The following TGS1 variants were observed in gnomAD, a reference collection of about 807,000 sequenced individuals.
TGS1 encodes the protein trimethylguanosine synthase 1, also known as trimethylguanosine synthase.
A neutral mutation model predicts 92.2 loss-of-function variants in TGS1; 69 were observed. The ratio of observed to expected loss-of-function variants is 0.75; its 90% confidence interval spans 0.62 to 0.91. The LOEUF (loss-of-function observed/expected upper bound fraction) is 0.91. Ranked by LOEUF, TGS1 falls within the 40% of genes least tolerant of loss-of-function variation. TGS1 has a pLI of 0.00. For synonymous variants in TGS1, 345 were observed against 338.1 expected, an observed-to-expected ratio of 1.02 and a Z score of -0.22; for missense variants, 1,062 against 1,001.2, an observed-to-expected ratio of 1.06 and a Z score of -0.82.
intron 7 of TGS1, among the ~76,000 whole-genome samples, chr8:55,797,526 A>G (rs1364483605): frequency 1.3e-5 from 2 of 152,238 alleles, no homozygotes; most frequent in Non-Finnish European, 2.9e-5. Flanking sequence ...GATCAGTCAC[A>G]GTTTACACCT....
At chr8:55,802,430 ATC>A in intron 8 of TGS1, 25 bp from the exon 9 acceptor site, 1 of 1,589,504 alleles carries the variant, frequency 6.3e-7, no homozygotes, top group Admixed American at 1.8e-5. Context: ...CTTAGTGAGC[ATC>A]TATATTCTTT....
At chr8:55,787,752 A>G (rs1161819876) in intron 4 of TGS1, among the ~76,000 whole-genome samples, 1 of 152,236 alleles carries the variant, frequency 6.6e-6, no homozygotes, top group African/African-American at 2.4e-5. Context: ...TTTAAAGAAA[A>G]GAGGTTTATT....
At chr8:55,791,381 C>G (rs574074631) in intron 5 of TGS1, among the ~76,000 whole-genome samples, 2 of 152,356 alleles carry the variant, frequency 1.3e-5, no homozygotes, top group African/African-American at 2.4e-5. Flanking sequence ...GAACATGTGC[C>G]TGACACAGTC....
intron 10 of TGS1, among the ~76,000 whole-genome samples, chr8:55,808,271 A>G (rs1037862287): frequency 3.3e-5 from 5 of 152,180 alleles, no homozygotes; most frequent in African/African-American, 1.2e-4. Context: ...ACTATTTACT[A>G]TCAAAGTTCT....
chr8:55,786,156 T>A, intron 3 of TGS1, 82 bp from the exon 4 acceptor site: 1 of 860,666 alleles, frequency 1.2e-6, no homozygotes, highest in Non-Finnish European at 1.7e-6. Flanking sequence ...TTGTTTAATT[T>A]AATGTCAAAA....
rs113731823 is a variant in TGS1, at chr8:55,806,924, A to AT, written c.2143+1899dup. ...TAACCTTTATTTATTTATTTATTTA[A>AT]TTTTTTTTTTTCTTTTTTTTTGAGA... is the stretch of plus-strand genomic sequence containing the variant. On this transcript the variant is annotated intron_variant, in intron 10 of 12. Coordinates refer to ENST00000260129, the MANE Select transcript of TGS1 (RefSeq NM_024831.8). Among the ~76,000 whole-genome samples, 213 of 146,402 alleles carry AT rather than the reference A, an allele frequency of 1.5e-3. 1 individual carries two copies. The highest frequency in any genetic ancestry group is 3.6e-3 in the African/African-American group (144 of 40,032).
chr8:55,816,572 A>G (rs1006599315), intron 12 of TGS1, among the ~76,000 whole-genome samples: 23 of 152,188 alleles, frequency 1.5e-4, no homozygotes, highest in African/African-American at 5.3e-4. Flanking sequence ...TATCTTTGTC[A>G]TGGTATGTAT....
At position 55,785,852 on chromosome 8, in the gene TGS1, A is replaced by G. The variant is rs1398385522; in HGVS notation, c.300A>G (p.Pro100=). ...AACTCATGAGAAGTATGGGATTGCC[A>G]CTTCAATTTGGTAGGATAACTGCAC... ...EAELMRSMGL[P]LQFGRITAHK... The change falls in exon 3 of 13, where the codon CCA becomes CCG. Residue 100 remains proline (P), a synonymous_variant. Coordinates refer to ENST00000260129, the MANE Select transcript of TGS1 (RefSeq NM_024831.8). 6.2e-7 allele frequency: 1 copy of G among 1,613,334 alleles called. No homozygotes were observed. Among genetic ancestry groups the G allele is most frequent in the South Asian group, 1.1e-5 (1 of 90,864 alleles).
chr8:55,817,926 G>C (rs1365956719), intron 12 of TGS1, among the ~76,000 whole-genome samples: 1 of 152,066 alleles, frequency 6.6e-6, no homozygotes, highest in Non-Finnish European at 1.5e-5. Context: ...ACACACTTAG[G>C]GTGTACAGTG....
chr8:55,790,921 G>T (rs1227080106), intron 5 of TGS1, among the ~76,000 whole-genome samples: 1 of 151,882 alleles, frequency 6.6e-6, no homozygotes, highest in Non-Finnish European at 1.5e-5. Context: ...ACACTTAGTA[G>T]CTATCAATGG....
intron 6 of TGS1, among the ~76,000 whole-genome samples, chr8:55,794,743 G>A (rs1055991663): frequency 3.9e-5 from 6 of 152,172 alleles, no homozygotes; most frequent in Admixed American, 6.5e-5. Flanking sequence ...AGATTTTATC[G>A]TACATGACAT....
intron 9 of TGS1, among the ~76,000 whole-genome samples, chr8:55,803,128 GGGGTGT>G (rs944723202): frequency 4.2e-5 from 6 of 144,150 alleles, no homozygotes; most frequent in Non-Finnish European, 6.1e-5. Context: ...TCAATTTGGG[GGGGTGT>G]GTGTGTGTGT....
At chr8:55,805,676 A>G (rs1373183770) in intron 10 of TGS1, among the ~76,000 whole-genome samples, 2 of 152,042 alleles carry the variant, frequency 1.3e-5, no homozygotes, top group East Asian at 1.9e-4. Flanking sequence ...ACCTGAGGTC[A>G]GGAGTTCGAC....
chr8:55,824,047 C>T (rs1425919916), intron 12 of TGS1, among the ~76,000 whole-genome samples: 6 of 152,058 alleles, frequency 3.9e-5, no homozygotes, highest in African/African-American at 1.2e-4. Context: ...ACCCGGGAGG[C>T]GGAGGTTGCA....
intron 12 of TGS1, among the ~76,000 whole-genome samples, chr8:55,823,245 G>C (rs1803698673): frequency 1.3e-5 from 2 of 152,156 alleles, no homozygotes; most frequent in African/African-American, 4.8e-5. Flanking sequence ...ATCTGTATAA[G>C]AACTTAGGGT....
At chr8:55,801,043 GTGACC>G (rs1396932573) in intron 8 of TGS1, among the ~76,000 whole-genome samples, 1 of 152,222 alleles carries the variant, frequency 6.6e-6, no homozygotes, top group Admixed American at 6.5e-5. Flanking sequence ...AATGGAGCTA[GTGACC>G]CTTGTTTCAG....
At chr8:55,797,719 T>G (rs1036582628) in intron 7 of TGS1, among the ~76,000 whole-genome samples, 1 of 152,176 alleles carries the variant, frequency 6.6e-6, no homozygotes, top group African/African-American at 2.4e-5. Flanking sequence ...TAAAAAACAC[T>G]TTCTAATGAG....
At chr8:55,792,606 C>T in intron 5 of TGS1, 92 bp from the exon 6 acceptor site, 2 of 826,966 alleles carry the variant, frequency 2.4e-6, no homozygotes, top group Non-Finnish European at 4.0e-6. Context: ...GGGAAGTTTG[C>T]ATGGGTCAAT....
chr8:55,790,225 A>AC lies in TGS1; in HGVS notation c.1207dup (p.His403ProfsTer6). On this transcript the variant is annotated frameshift_variant, in exon 5 of 13. Coordinates refer to ENST00000260129, the MANE Select transcript of TGS1 (RefSeq NM_024831.8). LOFTEE classifies it high-confidence loss of function. ...GAGCAAACACAAGCAAAGACAGACC[A>AC]CATGCCAGTGGTACTGATGGAGATG... The AC allele has an allele frequency of 6.2e-7, 1 of 1,614,108 alleles. No individual in the cohort carries two copies. The highest frequency in any genetic ancestry group is 8.5e-7 in the Non-Finnish European group (1 of 1,179,978).
Sources: allele counts gnomAD v4.1 joint callset (sites outside exome capture counted in the v4.1 genomes callset), GRCh38; gene constraint gnomAD v4.1.1; transcripts MANE v1.5; gene names NCBI Gene and HGNC (gene_info 2026-07-23, HGNC 2026-07-21).